Variants in BRI3 observed in about 807,000 individuals in gnomAD.
The protein encoded by BRI3 is membrane protein BRI3.
BRI3 carries 6 observed loss-of-function variants against 12.8 expected under a neutral mutation model. The observed-to-expected ratio is 0.47, with a 90% CI of 0.26 to 0.93. The LOEUF (loss-of-function observed/expected upper bound fraction) is 0.93, where lower values mean the gene tolerates loss of function less well. BRI3 is among the 40% of genes least tolerant of loss of function. The pLI is 0.15. For synonymous variants in BRI3, 91 were observed against 76.1 expected (o/e 1.20, Z -1.02); for missense variants, 134 against 171.1 (o/e 0.78, Z 1.21).
intron 2 of BRI3, among the ~76,000 whole-genome samples, chr7:98,284,215 C>T (rs946818713): frequency 3.3e-5 from 5 of 152,206 alleles, no homozygotes; most frequent in African/African-American, 1.2e-4. Context: ...GGTCCTTAGT[C>T]CTTTAAGTTG....
At chr7:98,308,104 G>C (rs754685206) in exon 2 of BRI3, 2 of 682,448 alleles carry the variant, frequency 2.9e-6, no homozygotes. Context: ...GCAGCCTGAA[G>C]GCATGCACCG....
chr7:98,287,211 C>T (rs1584392702), intron 2 of BRI3, among the ~76,000 whole-genome samples: 1 of 152,354 alleles, frequency 6.6e-6, no homozygotes, highest in Non-Finnish European at 1.5e-5. Flanking sequence ...TCCCCAGAGA[C>T]CCGGGGGCCT....
At chr7:98,297,781 G>A (rs1053683991), downstream of BRI3, among the ~76,000 whole-genome samples, 1 of 152,204 alleles carries the variant, frequency 6.6e-6, no homozygotes, top group South Asian at 2.1e-4. Flanking sequence ...GGCCTGCACC[G>A]GGGGCACTGG....
the BRI3 span, among the ~76,000 whole-genome samples, chr7:98,317,743 G>T: frequency 2.7e-5 from 4 of 150,150 alleles, no homozygotes; most frequent in Admixed American, 1.3e-4. Context: ...TGTTGGCTGG[G>T]GACGCTCACC....
chr7:98,292,868 C>T, downstream of BRI3: 1 of 1,447,666 alleles, frequency 6.9e-7, no homozygotes. Context: ...AGAAAAGGAG[C>T]TCTCGGAGGA....
downstream of BRI3, among the ~76,000 whole-genome samples, chr7:98,313,703 C>T (rs760648171): frequency 2.6e-5 from 4 of 152,088 alleles, no homozygotes; most frequent in Non-Finnish European, 4.4e-5. Context: ...ACTGCAACCT[C>T]GAACTCCTGG....
chr7:98,299,762 C>T (rs374385052), intron 1 of BRI3, among the ~76,000 whole-genome samples: 3 of 152,272 alleles, frequency 2.0e-5, no homozygotes, highest in South Asian at 2.1e-4. Context: ...TAAAATTTGC[C>T]GGGCGCAGTG....
downstream of BRI3, among the ~76,000 whole-genome samples, chr7:98,294,569 G>A (rs1325977767): frequency 1.3e-5 from 2 of 152,306 alleles, no homozygotes; most frequent in Admixed American, 6.5e-5. Context: ...TGAAGCTTGA[G>A]CAACAGAGCG....
At chr7:98,304,202 C>T (rs780863129), upstream of BRI3, 33 of 1,591,328 alleles carry the variant, frequency 2.1e-5, no homozygotes, top group East Asian at 3.4e-4. Flanking sequence ...TCACAGGAGC[C>T]GCGGTCTCGG....
At chr7:98,300,861 G>C (rs558686074) in intron 1 of BRI3, among the ~76,000 whole-genome samples, 40 of 152,218 alleles carry the variant, frequency 2.6e-4, no homozygotes, top group Admixed American at 7.2e-4. Context: ...TCACCGCAAC[G>C]CCCAGGCCTT....
upstream of BRI3, chr7:98,304,131 C>G: frequency 6.8e-7 from 1 of 1,466,876 alleles, no homozygotes; most frequent in Admixed American, 2.5e-5. Context: ...CACCACAGGA[C>G]CTGCGCCTCC....
intron 1 of BRI3, among the ~76,000 whole-genome samples, chr7:98,299,587 G>A (rs1800336175): frequency 6.6e-6 from 1 of 151,990 alleles, no homozygotes; most frequent in Admixed American, 6.6e-5. Context: ...GAGTTCCTGG[G>A]CTCAAGTGAT....
chr7:98,293,666 T>C, downstream of BRI3: 2 of 1,464,380 alleles, frequency 1.4e-6, no homozygotes, highest in Non-Finnish European at 1.9e-6. Flanking sequence ...ACAGTGCTAA[T>C]AACCCGTTCT....
chr7:98,294,083 G>A (rs746660259), downstream of BRI3: 22 of 1,614,148 alleles, frequency 1.4e-5, no homozygotes, highest in South Asian at 2.3e-4. Context: ...CCTGAGAAAA[G>A]GCGGCTTTGC....
At chr7:98,321,227 T>C in the BRI3 span, among the ~76,000 whole-genome samples, 1 of 152,192 alleles carries the variant, frequency 6.6e-6, no homozygotes, top group Non-Finnish European at 1.5e-5. Flanking sequence ...AATTTTGAAA[T>C]TGTCTCACAA....
the BRI3 span, among the ~76,000 whole-genome samples, chr7:98,318,561 G>A: frequency 2.0e-5 from 3 of 151,910 alleles, no homozygotes. Context: ...TTACAGGCGT[G>A]AGCCACCACG....
At chr7:98,313,325 T>C (rs912609177), downstream of BRI3, among the ~76,000 whole-genome samples, 2 of 152,098 alleles carry the variant, frequency 1.3e-5, no homozygotes, top group African/African-American at 4.8e-5. Context: ...TTGGTCTGCG[T>C]CACTCTAGAA....
downstream of BRI3, among the ~76,000 whole-genome samples, chr7:98,297,651 C>G (rs1800246694): frequency 6.6e-6 from 1 of 152,174 alleles, no homozygotes; most frequent in African/African-American, 2.4e-5. Context: ...TAGTTCAACC[C>G]CTTTATTCTC....
chr7:98,283,965 C>T (rs1249146302), intron 2 of BRI3, among the ~76,000 whole-genome samples: 1 of 152,238 alleles, frequency 6.6e-6, no homozygotes, highest in Non-Finnish European at 1.5e-5. Context: ...GCCACTTCCC[C>T]TTCCCTAGGT....
Sources: gnomAD v4.1 joint callset for allele counts (sites outside exome capture counted in the v4.1 genomes callset) on GRCh38, gnomAD v4.1.1 for gene constraint, MANE v1.5 for transcripts, NCBI Gene and HGNC (gene_info 2026-07-23, HGNC 2026-07-21) for gene names.